The following TRPM3 variants were observed in gnomAD, a reference collection of about 807,000 sequenced individuals.
TRPM3 encodes transient receptor potential cation channel subfamily M member 3.
Under a neutral mutation model 181.2 loss-of-function variants are expected in TRPM3, and 77 were observed. The observed-to-expected ratio is 0.42, with a 90% CI of 0.35 to 0.51. TRPM3 has a LOEUF of 0.51. TRPM3 is among the 20% of genes least tolerant of loss of function. The probability of loss-of-function intolerance (pLI) is 0.01; values close to 1 mark genes in which losing one functional copy is unlikely to be tolerated. For synonymous variants in TRPM3, 745 were observed against 796.4 expected (o/e 0.94, Z 1.09); for missense variants, 1,759 against 2,196.7 (o/e 0.80, Z 3.98).
intron 7 of TRPM3, among the ~76,000 whole-genome samples, chr9:70,781,783 TA>T (rs965563484): frequency 3.4e-4 from 52 of 152,084 alleles, no homozygotes; most frequent in Non-Finnish European, 1.3e-4. Context: ...CTAAAATACA[TA>T]ACCTTTCCTC....
intron 1 of TRPM3, among the ~76,000 whole-genome samples, chr9:71,180,998 T>C (rs2077370055): frequency 6.6e-6 from 1 of 152,160 alleles, no homozygotes; most frequent in Non-Finnish European, 1.5e-5. Flanking sequence ...TCTTGAGTGT[T>C]TATTTTCTTT....
chr9:71,335,134 T>C (rs1159780897), intron 1 of TRPM3, among the ~76,000 whole-genome samples: 1 of 152,130 alleles, frequency 6.6e-6, no homozygotes, highest in Non-Finnish European at 1.5e-5. Flanking sequence ...ATCACTTTAA[T>C]GAAGTGAAAG....
chr9:70,860,679 T>G (rs897326567), intron 3 of TRPM3, among the ~76,000 whole-genome samples: 3 of 152,200 alleles, frequency 2.0e-5, no homozygotes, highest in African/African-American at 7.2e-5. Flanking sequence ...GTAATTTGGC[T>G]TTCTAAAATA....
intron 6 of TRPM3, among the ~76,000 whole-genome samples, chr9:70,801,393 T>C (rs1471047281): frequency 6.6e-6 from 1 of 152,202 alleles, no homozygotes; most frequent in East Asian, 1.9e-4. Flanking sequence ...GAGCTATTTC[T>C]TTCTCTAGCT....
At chr9:71,264,186 G>A (rs1224719573) in intron 1 of TRPM3, among the ~76,000 whole-genome samples, 1 of 151,898 alleles carries the variant, frequency 6.6e-6, no homozygotes, top group Non-Finnish European at 1.5e-5. Context: ...TCTGAAGTAG[G>A]AGAAGAATGA....
intron 9 of TRPM3, among the ~76,000 whole-genome samples, chr9:70,641,901 C>T (rs1452601334): frequency 6.6e-6 from 1 of 152,212 alleles, no homozygotes; most frequent in Non-Finnish European, 1.5e-5. Context: ...CTCTCAGCCA[C>T]TGTTGATTAT....
intron 1 of TRPM3, among the ~76,000 whole-genome samples, chr9:71,252,847 C>CTTTTTTTTT (rs11417438): frequency 2.4e-4 from 20 of 84,758 alleles, no homozygotes; most frequent in African/African-American, 9.9e-4. Context: ...AATTTTGTCT[C>CTTTTTTTTT]TTTTTTTTTT....
At chr9:71,349,586 CA>C (rs149317852) in intron 1 of TRPM3, among the ~76,000 whole-genome samples, 1,545 of 152,214 alleles carry the variant, frequency 0.01, 14 homozygotes, top group South Asian at 0.016. Context: ...GTACGTTTGC[CA>C]AAACCAAAAC....
At chr9:70,631,169 A>C (rs2065769028) in intron 12 of TRPM3, among the ~76,000 whole-genome samples, 1 of 152,194 alleles carries the variant, frequency 6.6e-6, no homozygotes, top group African/African-American at 2.4e-5. Context: ...GTGAGTAATC[A>C]CCCGGTAGGG....
intron 1 of TRPM3, among the ~76,000 whole-genome samples, chr9:71,418,508 C>A (rs112246472): frequency 9.9e-5 from 15 of 151,914 alleles, no homozygotes; most frequent in Admixed American, 1.3e-4. Context: ...TCCTTGCCCA[C>A]ATGACCAGGG....
intron 1 of TRPM3, among the ~76,000 whole-genome samples, chr9:70,935,081 T>A (rs1196165279): frequency 6.6e-6 from 1 of 152,138 alleles, no homozygotes; most frequent in Non-Finnish European, 1.5e-5. Context: ...CATGCCCTAC[T>A]TTGCAAACCC....
At chr9:71,438,654 T>C (rs568540167) in intron 1 of TRPM3, among the ~76,000 whole-genome samples, 37 of 152,292 alleles carry the variant, frequency 2.4e-4, no homozygotes, top group African/African-American at 7.0e-4. Context: ...GCCTGGGCGA[T>C]AGAGTGAGAC....
intron 3 of TRPM3, among the ~76,000 whole-genome samples, chr9:70,855,344 T>C (rs11142622): frequency 0.08 from 12,167 of 152,268 alleles, 730 homozygotes; most frequent in East Asian, 0.27. Context: ...CATTCTCAAT[T>C]TGAGTTTTGG....
At chr9:71,366,282 C>T (rs1466468264) in intron 1 of TRPM3, among the ~76,000 whole-genome samples, 1 of 152,122 alleles carries the variant, frequency 6.6e-6, no homozygotes, top group Non-Finnish European at 1.5e-5. Context: ...ACTACTGTTT[C>T]CTTGCAAGAC....
intron 1 of TRPM3, among the ~76,000 whole-genome samples, chr9:70,905,288 T>G (rs921067473): frequency 2.6e-5 from 4 of 152,208 alleles, no homozygotes; most frequent in African/African-American, 4.8e-5. Flanking sequence ...AAATACACAT[T>G]GACATATTAA....
At chr9:70,866,691 A>G (rs2132483374) in intron 1 of TRPM3, among the ~76,000 whole-genome samples, 1 of 152,162 alleles carries the variant, frequency 6.6e-6, no homozygotes, top group South Asian at 2.1e-4. Flanking sequence ...GGCCACTAAC[A>G]AGATATATAG....
At chr9:71,300,660 A>T (rs1017620594) in intron 1 of TRPM3, among the ~76,000 whole-genome samples, 8 of 152,256 alleles carry the variant, frequency 5.3e-5, no homozygotes, top group African/African-American at 1.4e-4. Context: ...CCCAATTTAG[A>T]ACCTTCAGTT....
At chr9:71,047,664 C>G (rs1263012925) in intron 1 of TRPM3, among the ~76,000 whole-genome samples, 1 of 152,144 alleles carries the variant, frequency 6.6e-6, no homozygotes, top group African/African-American at 2.4e-5. Context: ...ACTCCTTTAC[C>G]ATAAGCAAGA....
chr9:70,641,419 C>A (rs1331491880), intron 9 of TRPM3, among the ~76,000 whole-genome samples: 1 of 152,148 alleles, frequency 6.6e-6, no homozygotes, highest in Non-Finnish European at 1.5e-5. Context: ...CATCAACTAG[C>A]GTACCAACTT....
Sources: allele counts gnomAD v4.1 joint callset (sites outside exome capture counted in the v4.1 genomes callset), GRCh38; gene constraint gnomAD v4.1.1; transcripts MANE v1.5; gene names NCBI Gene and HGNC (gene_info 2026-07-23, HGNC 2026-07-21).